NTM: variants seen among roughly 807,000 people sequenced by gnomAD.
The protein encoded by NTM is neurotrimin, also known as IgLON family member 2.
NTM carries 13 observed loss-of-function variants against 42.1 expected under a neutral mutation model. The ratio of observed to expected loss-of-function variants is 0.31; its 90% CI spans 0.20 to 0.49. The LOEUF (loss-of-function observed/expected upper bound fraction) is 0.49. NTM is among the 20% of genes least tolerant of loss of function. The pLI is 0.99. For missense variants in NTM, 373 were observed against 452.8 expected, an observed-to-expected ratio of 0.82 and a Z score of 1.60; for synonymous variants, 187 against 179.2, an observed-to-expected ratio of 1.04 and a Z score of -0.35.
chr11:132,074,588 A>G (rs2136203849), intron 2 of NTM, among the ~76,000 whole-genome samples: 1 of 152,310 alleles, frequency 6.6e-6, no homozygotes, highest in African/African-American at 2.4e-5. Context: ...CACCATGTTC[A>G]ACATACATAC....
At chr11:131,635,610 T>C (rs993470999) in intron 1 of NTM, among the ~76,000 whole-genome samples, 2 of 152,090 alleles carry the variant, frequency 1.3e-5, no homozygotes, top group African/African-American at 4.8e-5. Context: ...GTAATACAAG[T>C]TGAGCTAAAG....
chr11:131,569,835 C>G (rs1383320342), intron 1 of NTM, among the ~76,000 whole-genome samples: 1 of 152,210 alleles, frequency 6.6e-6, no homozygotes, highest in East Asian at 1.9e-4. Flanking sequence ...CCCACCACAG[C>G]TTCCCAAAGC....
At chr11:131,645,706 G>GT (rs1442576908) in intron 1 of NTM, among the ~76,000 whole-genome samples, 2 of 152,022 alleles carry the variant, frequency 1.3e-5, no homozygotes, top group African/African-American at 2.4e-5. Context: ...GTGTATATAT[G>GT]TTTTTTGTTT....
At chr11:132,081,873 G>A (rs898675244) in intron 2 of NTM, among the ~76,000 whole-genome samples, 3 of 150,620 alleles carry the variant, frequency 2.0e-5, no homozygotes, top group East Asian at 3.9e-4. Context: ...AATCTAGCCT[G>A]GGCAATATAG....
chr11:131,934,935 A>T (rs1354817505), intron 2 of NTM, among the ~76,000 whole-genome samples: 1 of 152,192 alleles, frequency 6.6e-6, no homozygotes, highest in Non-Finnish European at 1.5e-5. Context: ...TGGAGCAGTG[A>T]CATGCTCCGA....
Position 132,320,448 on chromosome 11 carries a change from C to T in NTM, c.934+5745C>T, listed in dbSNP as rs192273166. ...CCTGGAAAATCGGGTCACTCCCACCCGAATACTGCGCTTTTCCGACGGGCT... is the reference window on the plus strand; with the variant it reads ...CCTGGAAAATCGGGTCACTCCCACCTGAATACTGCGCTTTTCCGACGGGCT... On this transcript the variant is annotated intron_variant, in intron 7 of 8. Coordinates refer to ENST00000683400, the MANE Select transcript of NTM (RefSeq NM_001352005.2). Among the ~76,000 whole-genome samples the T allele has an allele frequency of 7.4e-3, 1,128 of 152,298 alleles. 37 individuals carry two copies. In the East Asian group the frequency reaches 0.11, roughly 15 times the overall value.
intron 2 of NTM, among the ~76,000 whole-genome samples, chr11:131,992,613 A>G (rs2067232346): frequency 6.6e-6 from 1 of 151,988 alleles, no homozygotes; most frequent in South Asian, 2.1e-4. Flanking sequence ...TGCTTACTCT[A>G]CTTCTCTAAT....
chr11:132,237,526 G>C (rs888083229), intron 4 of NTM, among the ~76,000 whole-genome samples: 6 of 152,190 alleles, frequency 3.9e-5, no homozygotes, highest in African/African-American at 1.4e-4. Context: ...AGCCGGTCCC[G>C]TGAAGAGGTC....
intron 2 of NTM, among the ~76,000 whole-genome samples, chr11:131,985,870 G>A (rs1279479970): frequency 6.6e-6 from 1 of 152,166 alleles, no homozygotes; most frequent in Non-Finnish European, 1.5e-5. Flanking sequence ...GACTGAATTA[G>A]GCCTGTAAAG....
chr11:132,016,058 A>G (rs533317678), intron 2 of NTM, among the ~76,000 whole-genome samples: 4 of 151,196 alleles, frequency 2.6e-5, no homozygotes, highest in Admixed American at 1.3e-4. Context: ...TAGGTTTGTC[A>G]TATATGGTCT....
chr11:131,894,681 T>G (rs532634871), intron 1 of NTM, among the ~76,000 whole-genome samples: 1 of 152,238 alleles, frequency 6.6e-6, no homozygotes, highest in African/African-American at 2.4e-5. Flanking sequence ...CTCCTCCAGA[T>G]TGCAAACCAC....
At chr11:131,486,832 G>A (rs142927711) in intron 1 of NTM, among the ~76,000 whole-genome samples, 25 of 152,244 alleles carry the variant, frequency 1.6e-4, no homozygotes, top group African/African-American at 5.5e-4. Flanking sequence ...TGCTCTCAAA[G>A]ATTCTTTTTC....
chr11:132,110,605 A>AT (rs1566187482), intron 2 of NTM, among the ~76,000 whole-genome samples: 1 of 152,220 alleles, frequency 6.6e-6, no homozygotes, highest in South Asian at 2.1e-4. Context: ...AGAGACAAGG[A>AT]TTTTTATTTG....
chr11:131,549,383 T>G (rs1172066832), intron 1 of NTM, among the ~76,000 whole-genome samples: 1 of 151,852 alleles, frequency 6.6e-6, no homozygotes, highest in East Asian at 1.9e-4. Context: ...TTTTTTTTAA[T>G]TTTTGAATTA....
intron 1 of NTM, among the ~76,000 whole-genome samples, chr11:131,689,213 G>A (rs974108031): frequency 6.6e-6 from 1 of 152,206 alleles, no homozygotes; most frequent in African/African-American, 2.4e-5. Flanking sequence ...GGCTCAGCAT[G>A]AGGCAGCGGG....
chr11:132,270,700 C>T (rs2139682847), intron 4 of NTM, among the ~76,000 whole-genome samples: 1 of 148,850 alleles, frequency 6.7e-6, no homozygotes, highest in Non-Finnish European at 1.5e-5. Context: ...ATTAGAATGG[C>T]TGTGTCACAA....
intron 2 of NTM, among the ~76,000 whole-genome samples, chr11:132,056,717 T>C (rs773364642): frequency 2.2e-4 from 34 of 152,218 alleles, no homozygotes; most frequent in African/African-American, 6.8e-4. Context: ...GTTTGTTACA[T>C]TGTCAAACTC....
intron 1 of NTM, among the ~76,000 whole-genome samples, chr11:131,459,212 A>AGG (rs1354948565): frequency 2.6e-5 from 4 of 152,270 alleles, no homozygotes; most frequent in Non-Finnish European, 5.9e-5. Context: ...CAGGGGCCAC[A>AGG]GGCCTCTTGC....
chr11:131,870,255 T>C (rs1308346010), intron 1 of NTM, among the ~76,000 whole-genome samples: 1 of 152,228 alleles, frequency 6.6e-6, no homozygotes, highest in Admixed American at 6.5e-5. Context: ...GTTTTACCAT[T>C]TACTTACATG....
Sources: gnomAD v4.1 joint callset for allele counts (sites outside exome capture counted in the v4.1 genomes callset) on GRCh38, gnomAD v4.1.1 for gene constraint, MANE v1.5 for transcripts, NCBI Gene and HGNC (gene_info 2026-07-23, HGNC 2026-07-21) for gene names.